Variants in ITSN2 observed in about 807,000 individuals in gnomAD.
The protein encoded by ITSN2 is intersectin 2.
Under a neutral mutation model 243.7 loss-of-function variants are expected in ITSN2, and 156 were observed. The observed-to-expected ratio is 0.64, with a 90% CI of 0.56 to 0.73. ITSN2 has a LOEUF of 0.73. Among genes scored for constraint, ITSN2 ranks in the 30% least tolerant of loss-of-function variants. The pLI is 0.00. For missense variants in ITSN2, 1,801 were observed against 1,996.1 expected, an observed-to-expected ratio of 0.90 and a Z score of 1.86; for synonymous variants, 703 against 699.9, an observed-to-expected ratio of 1.00 and a Z score of -0.07.
chr2:24,310,424 T>C (rs754763835), intron 6 of ITSN2, 44 bp from the exon 7 acceptor site: 3 of 1,605,820 alleles, frequency 1.9e-6, no homozygotes, highest in Non-Finnish European at 2.6e-6. Context: ...AATTTGTATC[T>C]GTTCAAACAC....
At chr2:24,352,434 T>C (rs981909293) in intron 1 of ITSN2, among the ~76,000 whole-genome samples, 3 of 152,216 alleles carry the variant, frequency 2.0e-5, no homozygotes, top group African/African-American at 7.2e-5. Flanking sequence ...TAAAAGGACA[T>C]GTTTTTCTCA....
At chr2:24,263,037 TC>T (rs1249713008) in intron 20 of ITSN2, among the ~76,000 whole-genome samples, 1 of 152,180 alleles carries the variant, frequency 6.6e-6, no homozygotes, top group African/African-American at 2.4e-5. Context: ...TTTTTACTCA[TC>T]CTTCAAGATT....
At position 24,216,019 on chromosome 2, in the gene ITSN2, C is replaced by A. The variant is rs371287892; in HGVS notation, c.3990+30G>T. 1.6e-5 allele frequency: 24 copies of A among 1,528,908 alleles called. No individual in the cohort carries two copies. In the Admixed American group the frequency reaches 2.1e-4, roughly 13 times the overall value. 94.7% of individuals were successfully genotyped at this position (1,528,908 alleles called of 1,614,324 possible). A position where few individuals can be genotyped will look rare whatever the true frequency, so the allele number is the denominator to read the frequency against. ...CTGTTGCCTCCAGCCTCAGAAGGAG[C>A]CTGACCCGCAAGGCCCAGAATGGAA... On this transcript the variant is annotated intron_variant, in intron 32 of 39. Coordinates refer to ENST00000355123, the MANE Select transcript of ITSN2 (RefSeq NM_006277.3).
chr2:24,276,513 G>A (rs1419391760), intron 17 of ITSN2, among the ~76,000 whole-genome samples: 2 of 152,170 alleles, frequency 1.3e-5, no homozygotes, highest in African/African-American at 4.8e-5. Context: ...TCTCAATGTA[G>A]AGGCAAGTGT....
chr2:24,309,734 C>T (rs910029511), intron 7 of ITSN2, among the ~76,000 whole-genome samples: 1 of 151,958 alleles, frequency 6.6e-6, no homozygotes, highest in Non-Finnish European at 1.5e-5. Flanking sequence ...TATGGCTCAG[C>T]GATGTTAAGA....
At chr2:24,206,412 G>A (rs1011181812) in intron 37 of ITSN2, 4 of 290,170 alleles carry the variant, frequency 1.4e-5, no homozygotes, top group Admixed American at 5.4e-5. Context: ...GGGGAGGAAG[G>A]TGGAGATGCA....
In ITSN2 at chr2:24,246,165, C is replaced by T. The variant is rs755203715; in HGVS notation, c.3541G>A (p.Val1181Ile). Residue 1181 changes from valine (V) to isoleucine (I), a missense_variant, in exon 29 of 40, where the codon GTT becomes ATT. By Grantham distance (29) the Val-to-Ile change is conservative. Coordinates refer to ENST00000355123, the MANE Select transcript of ITSN2 (RefSeq NM_006277.3). ...GVTGLFPSNY[V>I]KMTTDSDPSQ... ...GGATCTGAGTCTGTCGTCATCTTAA[C>T]GTAGTTTGAAGGAAAGAGACCAGTC... is the stretch of plus-strand genomic sequence containing the variant. 25 of 1,613,154 alleles carry T rather than the reference C, an allele frequency of 1.5e-5. No homozygotes were observed. Among genetic ancestry groups the T allele is most frequent in the African/African-American group, 5.3e-5 (4 of 74,858 alleles).
chr2:24,293,803 T>C (rs769331782), intron 14 of ITSN2, 28 bp from the exon 15 acceptor site: 1 of 680,954 alleles, frequency 1.5e-6, no homozygotes, highest in Non-Finnish European at 2.5e-6. Context: ...TAGTACCTGA[T>C]TACAATGTTA....
Position 24,270,663 on chromosome 2 carries a change from T to G in ITSN2, c.2355+8A>C. 1 of 1,454,726 alleles carries G rather than the reference T, an allele frequency of 6.9e-7. No homozygotes were observed. Among genetic ancestry groups the G allele is most frequent in the Non-Finnish European group, 9.6e-7 (1 of 1,044,020 alleles). The allele number at this position is 1,454,726 out of a possible 1,614,324, so 90.1% of individuals were successfully genotyped here. A position where few individuals can be genotyped will look rare whatever the true frequency, so the allele number is the denominator to read the frequency against. On this transcript the variant is annotated splice_region_variant and intron_variant, in intron 20 of 39. Transcript: ENST00000355123. ...TATTCATGATTAAAAAAAAAATTCA[T>G]TTCCTACCTGAATTATATCTCCAGA... is the stretch of plus-strand genomic sequence containing the variant.
chr2:24,354,309 G>A (rs1295647840), intron 1 of ITSN2, among the ~76,000 whole-genome samples: 1 of 152,202 alleles, frequency 6.6e-6, no homozygotes, highest in Non-Finnish European at 1.5e-5. Context: ...TTTGGAAATT[G>A]AGCCCAGTGG....
chr2:24,328,189 T>C (rs752103746), intron 1 of ITSN2, 74 bp from the exon 2 acceptor site: 35 of 1,026,112 alleles, frequency 3.4e-5, no homozygotes, highest in Non-Finnish European at 4.4e-5. Flanking sequence ...CGCTAAGCAG[T>C]AGGAATGTCT....
intron 15 of ITSN2, among the ~76,000 whole-genome samples, chr2:24,291,061 T>C (rs1172821700): frequency 6.6e-6 from 1 of 152,214 alleles, no homozygotes; most frequent in Non-Finnish European, 1.5e-5. Flanking sequence ...AGTATTGATG[T>C]ATAGTATAGT....
At chr2:24,294,082 G>C (rs1680630452) in intron 14 of ITSN2, among the ~76,000 whole-genome samples, 1 of 152,150 alleles carries the variant, frequency 6.6e-6, no homozygotes, top group East Asian at 1.9e-4. Flanking sequence ...TGCGCTAGAT[G>C]GTATGTGTAA....
chr2:24,258,509 G>A (rs1675360329), intron 22 of ITSN2, among the ~76,000 whole-genome samples: 1 of 152,078 alleles, frequency 6.6e-6, no homozygotes, highest in Non-Finnish European at 1.5e-5. Context: ...CTGTTTCTCT[G>A]CTTTTCTCTT....
intron 29 of ITSN2, chr2:24,239,084 T>A (rs1328425157): frequency 1.3e-5 from 2 of 152,488 alleles, no homozygotes; most frequent in Non-Finnish European, 2.9e-5. Context: ...AAAATAAAAT[T>A]TTAAGGCAAA....
chr2:24,279,735 T>C (rs1021407674), intron 17 of ITSN2, among the ~76,000 whole-genome samples: 8 of 143,238 alleles, frequency 5.6e-5, no homozygotes, highest in Non-Finnish European at 6.1e-5. Flanking sequence ...TCTTTTTTTT[T>C]TTTTTTTTTT....
chr2:24,278,025 G>A (rs1678239841), intron 17 of ITSN2, among the ~76,000 whole-genome samples: 5 of 152,132 alleles, frequency 3.3e-5, no homozygotes, highest in Admixed American at 2.0e-4. Flanking sequence ...CATATAAAGT[G>A]CTTATTATAG....
At chr2:24,230,434 GC>G (rs1671467806) in intron 29 of ITSN2, among the ~76,000 whole-genome samples, 1 of 152,174 alleles carries the variant, frequency 6.6e-6, no homozygotes, top group South Asian at 2.1e-4. Context: ...GCAAGGCAGA[GC>G]AGTACTGTTA....
chr2:24,286,650 C>T (rs115980390), intron 15 of ITSN2, among the ~76,000 whole-genome samples: 133 of 152,308 alleles, frequency 8.7e-4, no homozygotes, highest in African/African-American at 3.1e-3. Context: ...GGCTTTTCAT[C>T]TATACAATGA....
Sources: gnomAD v4.1 joint callset for allele counts (sites outside exome capture counted in the v4.1 genomes callset) on GRCh38, gnomAD v4.1.1 for gene constraint, MANE v1.5 for transcripts, NCBI Gene and HGNC (gene_info 2026-07-23, HGNC 2026-07-21) for gene names.